Variants in GRM7 observed in about 807,000 individuals in gnomAD.
GRM7 encodes glutamate metabotropic receptor 7.
GRM7 carries 35 observed loss-of-function variants against 84.5 expected under a neutral mutation model. The observed-to-expected ratio is 0.41, with a 90% CI of 0.32 to 0.55. The LOEUF is 0.55. Among genes scored for constraint, GRM7 ranks in the 20% least tolerant of loss-of-function variants. The pLI is 0.19. For missense variants in GRM7, 1,003 were observed against 1,194.6 expected, an observed-to-expected ratio of 0.84 and a Z score of 2.36; for synonymous variants, 487 against 455.1, an observed-to-expected ratio of 1.07 and a Z score of -0.89.
rs532718089 is a variant in GRM7 at position 6,960,922 on chromosome 3, T to A, written c.519+99015T>A. On this transcript the variant is annotated intron_variant, in intron 1 of 9. Transcript: ENST00000357716. Reference sequence around the variant, plus strand: ...AAACACAGGCCAACAAAATGTACTATCCTGGTTGTCATAGTTGTCTGCTAA... The same window carrying A: ...AAACACAGGCCAACAAAATGTACTAACCTGGTTGTCATAGTTGTCTGCTAA... Among the ~76,000 whole-genome samples, 182 of 152,332 alleles carry A rather than the reference T, an allele frequency of 1.2e-3. 1 individual carries two copies. The Middle Eastern group carries it at 0.014, about 11-fold the overall frequency.
Position 7,729,898 on chromosome 3 carries a change from G to C in GRM7, c.2699-10459G>C, listed in dbSNP as rs565622349. Among the ~76,000 whole-genome samples, 360 of 91,486 alleles carry C rather than the reference G, an allele frequency of 3.9e-3. 6 individuals carry two copies. In the Middle Eastern group the frequency reaches 0.054, roughly 14 times the overall value. 60.0% of individuals were successfully genotyped at this position (91,486 alleles called of 152,430 possible). A position where few individuals can be genotyped will look rare whatever the true frequency, so the allele number is the denominator to read the frequency against. On this transcript the variant is annotated intron_variant, in intron 9 of 9. Transcript: ENST00000357716. ...TTTTTTTTTTTTTTTTTTTTGAGAT[G>C]AAGTCTTGCTCTGTCGCCCAGGCTG...
intron 1 of GRM7, among the ~76,000 whole-genome samples, chr3:6,965,472 A>G (rs913299382): frequency 1.3e-5 from 2 of 151,960 alleles, no homozygotes; most frequent in Admixed American, 6.6e-5. Flanking sequence ...AACTATAGGC[A>G]TGTGCCACCA....
chr3:7,526,991 G>C (rs1441259299), intron 7 of GRM7, among the ~76,000 whole-genome samples: 1 of 151,786 alleles, frequency 6.6e-6, no homozygotes, highest in African/African-American at 2.4e-5. Context: ...TTTTACTTCA[G>C]ATTTCTTTGT....
chr3:7,108,194 T>C (rs2125030210), intron 1 of GRM7, among the ~76,000 whole-genome samples: 1 of 152,194 alleles, frequency 6.6e-6, no homozygotes, highest in Middle Eastern at 3.4e-3. Flanking sequence ...CAACAAACCA[T>C]AGAGCCTTCT....
chr3:7,023,861 A>G (rs17046605), intron 1 of GRM7, among the ~76,000 whole-genome samples: 8,172 of 152,308 alleles, frequency 0.054, 695 homozygotes, highest in African/African-American at 0.19. Flanking sequence ...GATTGTTTAC[A>G]TAAGTTCATC....
chr3:7,685,167 A>ATATT (rs1700529814), intron 9 of GRM7, among the ~76,000 whole-genome samples: 1 of 152,196 alleles, frequency 6.6e-6, no homozygotes, highest in Admixed American at 6.5e-5. Flanking sequence ...TGGATGGATA[A>ATATT]TATTAACTAA....
chr3:7,587,831 A>C (rs1695587728), intron 8 of GRM7, among the ~76,000 whole-genome samples: 1 of 152,196 alleles, frequency 6.6e-6, no homozygotes, highest in East Asian at 1.9e-4. Context: ...AATGAGAAGA[A>C]TCCCTTAGAG....
At chr3:7,511,346 C>A (rs1217617787) in intron 7 of GRM7, among the ~76,000 whole-genome samples, 1 of 152,172 alleles carries the variant, frequency 6.6e-6, no homozygotes, top group Non-Finnish European at 1.5e-5. Flanking sequence ...TAAAATCACA[C>A]CTGAGCCTAT....
At chr3:7,202,714 G>A (rs935755643) in intron 2 of GRM7, among the ~76,000 whole-genome samples, 4 of 152,140 alleles carry the variant, frequency 2.6e-5, no homozygotes, top group Non-Finnish European at 5.9e-5. Flanking sequence ...GAACTTTATT[G>A]AAGATATAAT....
chr3:6,954,723 G>C (rs991229385), intron 1 of GRM7, among the ~76,000 whole-genome samples: 2 of 152,192 alleles, frequency 1.3e-5, no homozygotes, highest in African/African-American at 4.8e-5. Context: ...GTGAAATTTA[G>C]TCAGTGACAT....
chr3:7,271,811 C>T (rs1698875176), intron 2 of GRM7, among the ~76,000 whole-genome samples: 1 of 152,130 alleles, frequency 6.6e-6, no homozygotes, highest in Non-Finnish European at 1.5e-5. Flanking sequence ...TTTCCTCAAG[C>T]AAGTACTTCT....
At chr3:6,968,744 T>C (rs932070554) in intron 1 of GRM7, among the ~76,000 whole-genome samples, 3 of 152,174 alleles carry the variant, frequency 2.0e-5, no homozygotes, top group African/African-American at 2.4e-5. Flanking sequence ...GGTCAAGAAG[T>C]AGAAGCTGAC....
Position 7,046,579 on chromosome 3 carries a change from C to T in GRM7, c.520-99873C>T, listed in dbSNP as rs1409513559. On this transcript the variant is annotated intron_variant, in intron 1 of 9. Coordinates refer to ENST00000357716, the MANE Select transcript of GRM7 (RefSeq NM_000844.4). Reference sequence around the variant, plus strand: ...TATTTTCTGGTTTGTAGTTTTGTTACTTCCAGGCTATTTACAGGAGGCATT... The same window carrying T: ...TATTTTCTGGTTTGTAGTTTTGTTATTTCCAGGCTATTTACAGGAGGCATT... Among the ~76,000 whole-genome samples, 3 of 152,070 alleles carry T rather than the reference C, an allele frequency of 2.0e-5. No homozygotes were observed. In the East Asian group the frequency reaches 5.8e-4, roughly 29 times the overall value.
intron 2 of GRM7, among the ~76,000 whole-genome samples, chr3:7,204,452 C>T (rs1050939047): frequency 6.6e-6 from 1 of 152,168 alleles, no homozygotes; most frequent in Non-Finnish European, 1.5e-5. Flanking sequence ...AAGAAAATGT[C>T]ATGAAATCTA....
At chr3:6,994,918 TC>T (rs1428127503) in intron 1 of GRM7, among the ~76,000 whole-genome samples, 10 of 152,218 alleles carry the variant, frequency 6.6e-5, no homozygotes, top group African/African-American at 1.9e-4. Flanking sequence ...CACAGCTATT[TC>T]CAGTTCTTCA....
At chr3:7,272,127 G>C (rs1016846318) in intron 2 of GRM7, among the ~76,000 whole-genome samples, 1 of 151,730 alleles carries the variant, frequency 6.6e-6, no homozygotes, top group African/African-American at 2.4e-5. Flanking sequence ...CTATCTTTTT[G>C]GTCCTTCTAT....
At chr3:7,228,890 C>G (rs537512487) in intron 2 of GRM7, among the ~76,000 whole-genome samples, 49 of 152,278 alleles carry the variant, frequency 3.2e-4, no homozygotes, top group South Asian at 1.0e-3. Flanking sequence ...AAGATGTGGT[C>G]AACCACCAGT....
At chr3:7,324,590 G>C (rs1210785008) in intron 4 of GRM7, among the ~76,000 whole-genome samples, 3 of 152,250 alleles carry the variant, frequency 2.0e-5, no homozygotes, top group Non-Finnish European at 2.9e-5. Flanking sequence ...GTTCGTCTCT[G>C]TGTTTTCCTT....
chr3:7,139,318 C>T (rs774512400), intron 1 of GRM7, among the ~76,000 whole-genome samples: 1 of 151,602 alleles, frequency 6.6e-6, no homozygotes, highest in Non-Finnish European at 1.5e-5. Flanking sequence ...ATCACAACAT[C>T]TAGCATAACA....
Sources: gnomAD v4.1 joint callset for allele counts (sites outside exome capture counted in the v4.1 genomes callset) on GRCh38, gnomAD v4.1.1 for gene constraint, MANE v1.5 for transcripts, NCBI Gene and HGNC (gene_info 2026-07-23, HGNC 2026-07-21) for gene names.